TUBGCP5: variants seen among roughly 807,000 people sequenced by gnomAD.
TUBGCP5 encodes tubulin gamma complex component 5, also known as gamma-tubulin complex component 5.
TUBGCP5 carries 98 observed loss-of-function variants against 134.7 expected under a neutral mutation model. The observed-to-expected ratio is 0.73, with a 90% CI of 0.62 to 0.86. The LOEUF is 0.86. Ranked by LOEUF, TUBGCP5 falls within the 40% of genes least tolerant of loss-of-function variation. The pLI, the probability that TUBGCP5 is intolerant of heterozygous loss-of-function variation, is 0.00. For synonymous variants in TUBGCP5, 456 were observed against 431.4 expected (o/e 1.06, Z -0.71); for missense variants, 1,150 against 1,244.8 (o/e 0.92, Z 1.15).
At chr15:23,038,588 A>T (rs959326261) in intron 1 of TUBGCP5, among the ~76,000 whole-genome samples, 1 of 152,226 alleles carries the variant, frequency 6.6e-6, no homozygotes, top group East Asian at 1.9e-4. Flanking sequence ...GGCTATGATC[A>T]TTAAGGTAAC....
At chr15:22,995,243 AAAAT>A (rs1009136400), downstream of TUBGCP5, among the ~76,000 whole-genome samples, 6 of 151,902 alleles carry the variant, frequency 3.9e-5, no homozygotes, top group African/African-American at 7.2e-5. Flanking sequence ...GAATCTGTCT[AAAAT>A]AAATAAATAA....
Position 23,039,462 on chromosome 15 carries a change from C to T in TUBGCP5, c.82G>A (p.Gly28Ser). 6.5e-7 allele frequency: 1 copy of T among 1,548,476 alleles called. No individual in the cohort carries two copies. Among genetic ancestry groups the T allele is most frequent in the Non-Finnish European group, 8.7e-7 (1 of 1,145,512 alleles). Reference protein sequence around the residue: ...DVRELVRGVAGLQDEADPNFQ... With the variant: ...DVRELVRGVASLQDEADPNFQ... Reference sequence around the variant, plus strand: ...TTGGGGTCTGCCTCGTCCTGGAGGCCGGCGACACCCCGGACGAGCTCCCGC... The same window carrying T: ...TTGGGGTCTGCCTCGTCCTGGAGGCTGGCGACACCCCGGACGAGCTCCCGC... Residue 28 changes from glycine to serine, a missense_variant, in exon 1 of 23, where the codon GGC (glycine) becomes AGC (serine). Physicochemically the swap from Gly to Ser is moderately conservative, Grantham distance 56 (BLOSUM62 0). Transcript: ENST00000615383.
chr15:23,027,194 G>A lies in TUBGCP5; in HGVS notation c.735C>T (p.Val245=), dbSNP rs1270290879. Residue 245 remains valine (V), a splice_region_variant and synonymous_variant, in exon 7 of 23, where the codon GTC becomes GTT. Transcript: ENST00000615383. ...SLHLHSNLAA[V]WDQHLYSSDP... The stretch of plus-strand genomic sequence containing the variant: ...AAATGAAAACTTTAGCTTCTTACCA[G>A]ACAGCAGCTAAATTAGAGTGCAAAT... The A allele has an allele frequency of 3.1e-6, 5 of 1,609,612 alleles. No individual in the cohort carries two copies. Among genetic ancestry groups the A allele is most frequent in the East Asian group, 4.5e-5 (2 of 44,816 alleles).
Position 23,030,959 on chromosome 15 carries a change from C to T in TUBGCP5, c.548G>A (p.Gly183Glu). The change falls in exon 6 of 23, where the codon GGA becomes GAA. Residue 183 changes from glycine (G) to glutamate (E), a missense_variant. Gly to Glu is a moderately conservative substitution (Grantham distance 98). Coordinates refer to ENST00000615383, the MANE Select transcript of TUBGCP5 (RefSeq NM_052903.6). The stretch of plus-strand genomic sequence containing the variant: ...TAACGGTGTCCTGTCTACCTGAATT[C>T]CAGAGTCCTCTCTGCTTAAGGGCTG... Reference protein sequence around the residue: ...DQQPLSREDSGIQVDRTPLEE... With the variant: ...DQQPLSREDSEIQVDRTPLEE... 1 of 1,613,600 alleles carries T rather than the reference C, an allele frequency of 6.2e-7. No homozygotes were observed. The highest frequency in any genetic ancestry group is 1.7e-4 in the Middle Eastern group (1 of 6,058).
chr15:23,022,018 T>G lies in TUBGCP5; in HGVS notation c.1312A>C (p.Asn438His). ...RNVVRASHLL[N>H]TLYKAILEYD... ...TCAAGAATGGCCTTGTACAGGGTGTTAAGCAGGTGAGAGGCCCGGACGACA... is the reference window on the plus strand; with the variant it reads ...TCAAGAATGGCCTTGTACAGGGTGTGAAGCAGGTGAGAGGCCCGGACGACA... Residue 438 changes from asparagine (N) to histidine (H), a missense_variant, in exon 11 of 23, where the codon AAC (asparagine) becomes CAC (histidine). Physicochemically the swap from Asn to His is moderately conservative, Grantham distance 68 (BLOSUM62 1). Around this residue, in one of 2 missense-constraint regions of TUBGCP5, gnomAD observed 697 missense variants for 850.1 expected, o/e 0.82. Coordinates refer to ENST00000615383, the MANE Select transcript of TUBGCP5 (RefSeq NM_052903.6). The G allele has an allele frequency of 6.2e-7, 1 of 1,614,150 alleles. No homozygotes were observed. Among genetic ancestry groups the G allele is most frequent in the Non-Finnish European group, 8.5e-7 (1 of 1,180,018 alleles).
rs1667477047 is a variant in TUBGCP5 at position 23,013,166 on chromosome 15, C to G, written c.1757-1835G>C. ...CAACGAATCAACAGTTAAGATCCGA[C>G]TGGAGGCTGGGGGTGGTGACTCACA... On this transcript the variant is annotated intron_variant, in intron 13 of 22. Coordinates refer to ENST00000615383, the MANE Select transcript of TUBGCP5 (RefSeq NM_052903.6). The surrounding 1 kb of genome is among the most constrained non-coding windows in gnomAD (Gnocchi z 4.5). Among the ~76,000 whole-genome samples, 2 of 151,952 alleles carry G rather than the reference C, an allele frequency of 1.3e-5. 1 individual carries two copies. Among genetic ancestry groups the G allele is most frequent in the South Asian group, 4.1e-4 (2 of 4,822 alleles).
In TUBGCP5 at chr15:23,027,783, A is replaced by G. The variant is rs542275379; in HGVS notation, c.623-477T>C. On this transcript the variant is annotated intron_variant, in intron 6 of 22. Coordinates refer to ENST00000615383, the MANE Select transcript of TUBGCP5 (RefSeq NM_052903.6). Reference sequence around the variant, plus strand: ...TAAAATAAAATAAAACCACACATATAGAAACGCATACTAAATTTAATTAAA... The same window carrying G: ...TAAAATAAAATAAAACCACACATATGGAAACGCATACTAAATTTAATTAAA... Among the ~76,000 whole-genome samples, 15 of 152,086 alleles carry G rather than the reference A, an allele frequency of 9.9e-5. No individual in the cohort carries two copies. The South Asian group carries it at 3.1e-3, about 32-fold the overall frequency.
chr15:23,027,525 G>A (rs368078082), intron 6 of TUBGCP5, among the ~76,000 whole-genome samples: 81 of 152,200 alleles, frequency 5.3e-4, no homozygotes, highest in African/African-American at 1.8e-3. Flanking sequence ...GCCAGGGTGG[G>A]ATGACCACTT....
At chr15:22,989,604 C>T (rs1484359144) in intron 23 of TUBGCP5, among the ~76,000 whole-genome samples, 2 of 152,190 alleles carry the variant, frequency 1.3e-5, no homozygotes, top group Non-Finnish European at 2.9e-5. Context: ...CCTTGAACTC[C>T]TGGCCTCCAG....
At chr15:23,010,987 A>AC (rs2065002402) in intron 14 of TUBGCP5, 146 bp downstream of exon 14, 1 of 786,484 alleles carries the variant, frequency 1.3e-6, no homozygotes, top group Non-Finnish European at 2.0e-6. Context: ...TCTCAAACAA[A>AC]CAAAAAAAAA....
At chr15:23,006,513 T>C (rs752978043) in intron 16 of TUBGCP5, among the ~76,000 whole-genome samples, 161 bp from the exon 17 acceptor site, 1 of 152,194 alleles carries the variant, frequency 6.6e-6, no homozygotes, top group Non-Finnish European at 1.5e-5. Context: ...TTCTAACATA[T>C]ATTCCAGAGC....
At chr15:23,030,837 A>G in intron 6 of TUBGCP5, 48 bp downstream of exon 6, 1 of 1,594,736 alleles carries the variant, frequency 6.3e-7, no homozygotes. Context: ...CTTTCCTTCT[A>G]GGGAATTTGT....
intron 16 of TUBGCP5, 28 bp from the exon 17 acceptor site, chr15:23,006,380 T>C: frequency 6.5e-7 from 1 of 1,529,452 alleles, no homozygotes; most frequent in African/African-American, 1.4e-5. Context: ...AGTTTTAGTT[T>C]GTGAAAGCAC....
Position 22,991,045 on chromosome 15 carries a change from T to G in TUBGCP5, c.*61+5800A>C, listed in dbSNP as rs552756573. On this transcript the variant is annotated intron_variant and NMD_transcript_variant, in intron 23 of 23. Coordinates refer to the TUBGCP5 transcript ENST00000614508. ...CTGTTGTTTTAAGCCACCAGGTTTA[T>G]GGTAATGTGTTACAGCAGCCACAGG... is the stretch of plus-strand genomic sequence containing the variant. Among the ~76,000 whole-genome samples the G allele has an allele frequency of 1.4e-3, 210 of 152,286 alleles. 1 individual carries two copies. Among genetic ancestry groups the G allele is most frequent in the African/African-American group, 4.4e-3 (184 of 41,572 alleles).
intron 3 of TUBGCP5, among the ~76,000 whole-genome samples, chr15:23,034,806 A>C (rs1567170522): frequency 1.3e-5 from 2 of 152,084 alleles, no homozygotes; most frequent in South Asian, 2.1e-4. Context: ...CAGCCTGGGC[A>C]ACAGAGCAAG....
At chr15:22,990,006 A>G (rs1046664051) in intron 23 of TUBGCP5, among the ~76,000 whole-genome samples, 1 of 152,152 alleles carries the variant, frequency 6.6e-6, no homozygotes, top group African/African-American at 2.4e-5. Context: ...CCCTGTCACC[A>G]GGAGGCATCA....
intron 1 of TUBGCP5, among the ~76,000 whole-genome samples, chr15:23,038,910 A>T (rs1403349123): frequency 1.3e-5 from 2 of 152,160 alleles, no homozygotes; most frequent in Non-Finnish European, 2.9e-5. Flanking sequence ...AGTGGAGGAG[A>T]CAGTAATGAC....
intron 6 of TUBGCP5, among the ~76,000 whole-genome samples, chr15:23,030,214 G>A: frequency 6.6e-6 from 1 of 152,084 alleles, no homozygotes; most frequent in East Asian, 1.9e-4. Flanking sequence ...AAGAAAAGGA[G>A]CCAAGTGATT....
At chr15:22,991,103 CT>C (rs71414253) in intron 23 of TUBGCP5, among the ~76,000 whole-genome samples, 71,515 of 148,652 alleles carry the variant, frequency 0.48, 17,767 homozygotes, top group African/African-American at 0.62. Flanking sequence ...TAATAAATTA[CT>C]TTTTTTTTTT....
Sources: gnomAD v4.1 joint callset for allele counts (sites outside exome capture counted in the v4.1 genomes callset) on GRCh38, gnomAD v4.1.1 for gene constraint, gnomAD v4.1.1 regional missense constraint, Gnocchi (gnomAD v3.1) non-coding constraint, MANE v1.5 for transcripts, NCBI Gene and HGNC (gene_info 2026-07-23, HGNC 2026-07-21) for gene names.